OR4M1: variants seen among roughly 807,000 people sequenced by gnomAD.
The protein encoded by OR4M1 is olfactory receptor 4M1.
OR4M1 carries 7 observed loss-of-function variants against 9.8 expected under a neutral mutation model. The observed-to-expected ratio is 0.71, with a 90% CI of 0.41 to 1.34. OR4M1 has a LOEUF of 1.34. Among genes scored for constraint, OR4M1 ranks in the 40% most tolerant of loss-of-function variants. OR4M1 has a pLI of 0.01. For synonymous variants in OR4M1, 121 were observed against 139.8 expected (o/e 0.87, Z 0.95); for missense variants, 331 against 380.4 (o/e 0.87, Z 1.08).
chr14:19,781,992 T>C lies in OR4M1; in HGVS notation c.*728T>C, dbSNP rs1878514548. 2 of 152,420 alleles carry C rather than the reference T, an allele frequency of 1.3e-5. No homozygotes were observed. The highest frequency in any genetic ancestry group is 4.1e-4 in the South Asian group (2 of 4,838). 9.4% of individuals were successfully genotyped at this position (152,420 alleles called of 1,614,324 possible). A position where few individuals can be genotyped will look rare whatever the true frequency, so the allele number is the denominator to read the frequency against. ...GGCAACTAGCAATTTTTATAGCCAG[T>C]CCCTACTTACATCCTTCAGAGTGAA... On this transcript the variant is annotated 3_prime_UTR_variant, in exon 2 of 2. Transcript: ENST00000641200.
In OR4M1 at chr14:19,773,862, C is replaced by T. The variant is rs1594374936; in HGVS notation, c.-30+269C>T. On this transcript the variant is annotated intron_variant, in intron 1 of 1. Transcript: ENST00000641200. ...AGGATTGAACAGGGCATTGAAGAGA[C>T]AGCTTGGTCATTTTATACTCATAGG... Among the ~76,000 whole-genome samples, 4 of 152,340 alleles carry T rather than the reference C, an allele frequency of 2.6e-5. No individual in the cohort carries two copies. The South Asian group carries it at 6.2e-4, about 24-fold the overall frequency.
rs1459738072 is a variant in OR4M1, at chr14:19,782,429, T to G, written c.*1165T>G. 6.6e-6 allele frequency: 1 copy of G among 152,260 alleles called. No individual in the cohort carries two copies. The highest frequency in any genetic ancestry group is 1.5e-5 in the Non-Finnish European group (1 of 68,036). The allele number at this position is 152,260 out of a possible 1,614,324, so 9.4% of individuals were successfully genotyped here. ...GAAGGGCAAGAATGCATTGGGTGTA[T>G]TAAGCTTTAGTCTTCTTTTTTAAAT... On this transcript the variant is annotated 3_prime_UTR_variant, in exon 2 of 2. Coordinates refer to ENST00000641200, the MANE Select transcript of OR4M1 (RefSeq NM_001005500.2).
chr14:19,781,671 C>G lies in OR4M1; in HGVS notation c.*407C>G. On this transcript the variant is annotated 3_prime_UTR_variant, in exon 2 of 2. Coordinates refer to ENST00000641200, the MANE Select transcript of OR4M1 (RefSeq NM_001005500.2). Reference sequence around the variant, plus strand: ...ATGGATGCAGCTAGCTTCAAGTTAGCAAATAAATATTGTCAAGTTTCAGTG... The same window carrying G: ...ATGGATGCAGCTAGCTTCAAGTTAGGAAATAAATATTGTCAAGTTTCAGTG... 5.5e-6 allele frequency: 1 copy of G among 182,428 alleles called. No individual in the cohort carries two copies. The highest frequency in any genetic ancestry group is 1.1e-5 in the Non-Finnish European group (1 of 87,442). The allele number at this position is 182,428 out of a possible 1,614,324, so 11.3% of individuals were successfully genotyped here.
intron 1 of OR4M1, among the ~76,000 whole-genome samples, chr14:19,773,966 A>G (rs914374178): frequency 6.6e-6 from 1 of 152,248 alleles, no homozygotes; most frequent in Non-Finnish European, 1.5e-5. Context: ...GTTAAAATAA[A>G]CTTCCAAAAT....
At chr14:19,776,996 A>T (rs1398343577) in intron 1 of OR4M1, among the ~76,000 whole-genome samples, 1 of 114,056 alleles carries the variant, frequency 8.8e-6, no homozygotes. Context: ...TTATTGCTGT[A>T]TTGTTTAAGC....
rs1878567095 is a variant in OR4M1 at position 19,783,621 on chromosome 14, T to A, written c.*2357T>A. The A allele has an allele frequency of 6.6e-6, 1 of 152,294 alleles. No individual in the cohort carries two copies. The highest frequency in any genetic ancestry group is 6.5e-5 in the Admixed American group (1 of 15,288). 9.4% of individuals were successfully genotyped at this position (152,294 alleles called of 1,614,324 possible). ...TCAGGACTCCTTTTCCCTATATAAC[T>A]CCTACATTTTCTTTCAGTTACTTTT... On this transcript the variant is annotated 3_prime_UTR_variant, in exon 2 of 2. Transcript: ENST00000641200.
chr14:19,780,832 G>A lies in OR4M1; in HGVS notation c.510G>A (p.Gly170=), dbSNP rs747886167. The change falls in exon 2 of 2, where the codon GGG becomes GGA. Residue 170 remains glycine, a synonymous_variant. Transcript: ENST00000641200. The part of the protein sequence containing the change: ...VALIVRLPFC[G]PNELDSYFCD... ...TCATTGTTCGACTTCCTTTCTGTGG[G>A]CCCAATGAGTTAGACAGTTACTTCT... The A allele has an allele frequency of 2.5e-6, 4 of 1,614,160 alleles. No homozygotes were observed. The highest frequency in any genetic ancestry group is 3.4e-6 in the Non-Finnish European group (4 of 1,180,026).
intron 1 of OR4M1, among the ~76,000 whole-genome samples, chr14:19,776,778 C>A: frequency 6.6e-6 from 1 of 151,886 alleles, no homozygotes; most frequent in East Asian, 1.9e-4. Flanking sequence ...TTTATTTAGC[C>A]CAATTTTATT....
intron 1 of OR4M1, 87 bp from the exon 2 acceptor site, chr14:19,780,207 C>G (rs1351341916): frequency 1.8e-5 from 21 of 1,183,314 alleles, no homozygotes; most frequent in Non-Finnish European, 2.1e-5. Context: ...CTGTTAGTGA[C>G]AGAAAACGTA....
At chr14:19,778,820 T>C (rs1247880201) in intron 1 of OR4M1, among the ~76,000 whole-genome samples, 4 of 4,502 alleles carry the variant, frequency 8.9e-4, no homozygotes, top group African/African-American at 1.0e-3. Flanking sequence ...ATTATCTTTC[T>C]TTTGATTAAA....
intron 1 of OR4M1, among the ~76,000 whole-genome samples, chr14:19,777,883 G>A (rs1878358262): frequency 2.0e-5 from 3 of 149,764 alleles, no homozygotes; most frequent in Non-Finnish European, 4.5e-5. Flanking sequence ...GTAGTGGTAT[G>A]TGTGTGTGTG....
rs1878525094 is a variant in OR4M1 at position 19,782,316 on chromosome 14, A to T, written c.*1052A>T. 6.6e-6 allele frequency: 1 copy of T among 152,234 alleles called. No individual in the cohort carries two copies. The highest frequency in any genetic ancestry group is 1.9e-4 in the East Asian group (1 of 5,200). The allele number at this position is 152,234 out of a possible 1,614,324, so 9.4% of individuals were successfully genotyped here. A position where few individuals can be genotyped will look rare whatever the true frequency, so the allele number is the denominator to read the frequency against. On this transcript the variant is annotated 3_prime_UTR_variant, in exon 2 of 2. Transcript: ENST00000641200. ...CACTCTCCAAGCTTCTGAATGTAAG[A>T]GGTAGATTAGAACATTTGATTTTAT...
At position 19,781,472 on chromosome 14, in the gene OR4M1, G is replaced by C. The variant is rs1878497419; in HGVS notation, c.*208G>C. The stretch of plus-strand genomic sequence containing the variant: ...TACTCACACCTACCCTGAAATTCCA[G>C]GCAGATCATTATTAGAATTTGAGAT... On this transcript the variant is annotated 3_prime_UTR_variant, in exon 2 of 2. Coordinates refer to ENST00000641200, the MANE Select transcript of OR4M1 (RefSeq NM_001005500.2). 1 of 544,852 alleles carries C rather than the reference G, an allele frequency of 1.8e-6. No individual in the cohort carries two copies. Among genetic ancestry groups the C allele is most frequent in the Non-Finnish European group, 3.2e-6 (1 of 315,842 alleles). 33.8% of individuals were successfully genotyped at this position (544,852 alleles called of 1,614,324 possible).
chr14:19,781,033 G>A lies in OR4M1; in HGVS notation c.711G>A (p.Arg237=). ...CAGGCTCAGGTGAGAATACCAACAG[G>A]GCCATGTCCACCTGCTATTCCCACA... is the stretch of plus-strand genomic sequence containing the variant. The part of the protein sequence containing the change: ...KHSGSGENTN[R]AMSTCYSHIT... Residue 237 remains arginine (R), a synonymous_variant, in exon 2 of 2, where the codon AGG becomes AGA. Transcript: ENST00000641200. 1 of 1,614,158 alleles carries A rather than the reference G, an allele frequency of 6.2e-7. No individual in the cohort carries two copies. The highest frequency in any genetic ancestry group is 8.5e-7 in the Non-Finnish European group (1 of 1,180,022).
At chr14:19,778,709 G>A (rs940191926) in intron 1 of OR4M1, among the ~76,000 whole-genome samples, 5 of 152,170 alleles carry the variant, frequency 3.3e-5, no homozygotes, top group African/African-American at 9.7e-5. Context: ...TATACCTGTT[G>A]CGTTATTAGT....
intron 1 of OR4M1, among the ~76,000 whole-genome samples, chr14:19,776,691 C>A (rs1878318338): frequency 6.6e-6 from 1 of 152,110 alleles, no homozygotes; most frequent in African/African-American, 2.4e-5. Context: ...TTCCCATAAA[C>A]ATAATTGCTT....
Position 19,780,662 on chromosome 14 carries a change from T to C in OR4M1, c.340T>C (p.Leu114=), listed in dbSNP as rs758980042. ...CTTTGTTGGGGCTTCGGAGATGTTC[T>C]TGCTCACAGTGATGGCCTATGACCG... ...LHFVGASEMF[L]LTVMAYDRYA... Residue 114 remains leucine (L), a synonymous_variant, in exon 2 of 2, where the codon TTG becomes CTG. Coordinates refer to ENST00000641200, the MANE Select transcript of OR4M1 (RefSeq NM_001005500.2). 2 of 1,614,262 alleles carry C rather than the reference T, an allele frequency of 1.2e-6. No individual in the cohort carries two copies. Among genetic ancestry groups the C allele is most frequent in the Non-Finnish European group, 1.7e-6 (2 of 1,180,044 alleles).
rs992537000 is a variant in OR4M1 at position 19,783,409 on chromosome 14, C to T, written c.*2145C>T. On this transcript the variant is annotated 3_prime_UTR_variant, in exon 2 of 2. Transcript: ENST00000641200. ...CCTGACTCCCACATGAATTATCTGG[C>T]CCAAAATGTCAATAGTGCCGAGAAT... is the stretch of plus-strand genomic sequence containing the variant. The T allele has an allele frequency of 6.5e-5, 10 of 152,786 alleles. No individual in the cohort carries two copies. Among genetic ancestry groups the T allele is most frequent in the African/African-American group, 2.4e-4 (10 of 41,566 alleles). 9.5% of individuals were successfully genotyped at this position (152,786 alleles called of 1,614,324 possible). A position where few individuals can be genotyped will look rare whatever the true frequency, so the allele number is the denominator to read the frequency against.
At chr14:19,778,682 A>G (rs114920142) in intron 1 of OR4M1, among the ~76,000 whole-genome samples, 1,605 of 152,218 alleles carry the variant, frequency 0.011, 18 homozygotes, top group African/African-American at 0.037. Flanking sequence ...TAATAACACA[A>G]GTATATATTT....
Sources: allele counts gnomAD v4.1 joint callset (sites outside exome capture counted in the v4.1 genomes callset), GRCh38; gene constraint gnomAD v4.1.1; transcripts MANE v1.5; gene names NCBI Gene and HGNC (gene_info 2026-07-23, HGNC 2026-07-21).